Variants in RFX7 observed in about 807,000 individuals in gnomAD.
RFX7 encodes DNA-binding protein RFX7.
RFX7 carries 26 observed loss-of-function variants against 111.8 expected under a neutral mutation model. That is an observed-to-expected ratio of 0.23 (90% CI 0.17 to 0.32). RFX7 has a LOEUF of 0.32. Ranked by LOEUF, RFX7 falls within the 10% of genes least tolerant of loss-of-function variation. The probability of loss-of-function intolerance (pLI) is 1.00; values close to 1 mark genes in which losing one functional copy is unlikely to be tolerated. For synonymous variants in RFX7, 624 were observed against 624.4 expected (o/e 1.00, Z 0.01); for missense variants, 1,573 against 1,772.9 (o/e 0.89, Z 2.02).
At chr15:56,184,368 G>T (rs746069579) in intron 2 of RFX7, among the ~76,000 whole-genome samples, 6 of 151,712 alleles carry the variant, frequency 4.0e-5, no homozygotes, top group Admixed American at 6.6e-5. Context: ...TTCTCTTGTA[G>T]ATAATCATTT....
intron 2 of RFX7, among the ~76,000 whole-genome samples, chr15:56,210,347 T>C (rs189020904): frequency 1.3e-5 from 2 of 152,174 alleles, no homozygotes; most frequent in Admixed American, 6.5e-5. Flanking sequence ...AGAAACAGAA[T>C]AGACTATTAC....
chr15:56,243,040 G>GCACCCCC, intron 2 of RFX7, 85 bp downstream of exon 2: 2 of 570,718 alleles, frequency 3.5e-6, no homozygotes, highest in Non-Finnish European at 3.1e-6. Context: ...CTCCTCCTCC[G>GCACCCCC]CTCCCCCCGC....
intron 2 of RFX7, among the ~76,000 whole-genome samples, chr15:56,210,021 T>C (rs374307195): frequency 1.6e-4 from 24 of 152,114 alleles, no homozygotes; most frequent in African/African-American, 5.5e-4. Flanking sequence ...AATGCACCAA[T>C]TGAAAGACAC....
chr15:56,216,358 T>C (rs1471237768), intron 2 of RFX7, among the ~76,000 whole-genome samples: 3 of 152,246 alleles, frequency 2.0e-5, no homozygotes, highest in Non-Finnish European at 4.4e-5. Flanking sequence ...AATACTGAAG[T>C]AATTTAAAGT....
intron 2 of RFX7, chr15:56,193,000 T>C (rs1596000106): frequency 4.9e-6 from 1 of 204,908 alleles, no homozygotes; most frequent in East Asian, 1.1e-4. Context: ...ATATGCTGCT[T>C]AGGGTTTTCT....
chr15:56,093,932 T>C lies in RFX7; in HGVS notation c.3796A>G (p.Arg1266Gly). ...GGCAGGTTGTTCATTCCCAAACCTC[T>C]CACTGCATCATCATTGTCGGAATCA... is the stretch of plus-strand genomic sequence containing the variant. The part of the protein sequence containing the change: ...KLDSDNDDAV[R>G]GLGMNNLPSN... The change falls in exon 10 of 10, where the codon AGA (arginine) becomes GGA (glycine). Residue 1266 changes from arginine (R) to glycine (G), a missense_variant. Coordinates refer to ENST00000559447, the MANE Select transcript of RFX7 (RefSeq NM_022841.7). The C allele has an allele frequency of 6.2e-7, 1 of 1,614,016 alleles. No individual in the cohort carries two copies. Among genetic ancestry groups the C allele is most frequent in the Non-Finnish European group, 8.5e-7 (1 of 1,179,878 alleles).
chr15:56,142,597 C>T (rs1437708801), intron 5 of RFX7, among the ~76,000 whole-genome samples, 181 bp downstream of exon 5: 1 of 152,056 alleles, frequency 6.6e-6, no homozygotes, highest in African/African-American at 2.4e-5. Context: ...ATTAATCCTG[C>T]CCCCCTTTAT....
chr15:56,141,286 G>T (rs2042389288), intron 5 of RFX7, among the ~76,000 whole-genome samples: 1 of 151,744 alleles, frequency 6.6e-6, no homozygotes, highest in Admixed American at 6.6e-5. Context: ...GGGTGGGGGT[G>T]GGAGTGGGAG....
At chr15:56,134,301 C>T (rs2042259954) in intron 5 of RFX7, among the ~76,000 whole-genome samples, 2 of 152,128 alleles carry the variant, frequency 1.3e-5, no homozygotes, top group South Asian at 4.1e-4. Flanking sequence ...ATTTTATTAT[C>T]ATTGTCAGAG....
At chr15:56,099,242 C>T (rs1174077246) in intron 8 of RFX7, among the ~76,000 whole-genome samples, 1 of 152,114 alleles carries the variant, frequency 6.6e-6, no homozygotes, top group Non-Finnish European at 1.5e-5. Flanking sequence ...ACACCTTGCC[C>T]TTTCTTTTCT....
At chr15:56,162,256 G>A (rs1387557763) in intron 3 of RFX7, among the ~76,000 whole-genome samples, 1 of 151,996 alleles carries the variant, frequency 6.6e-6, no homozygotes, top group Non-Finnish European at 1.5e-5. Flanking sequence ...CCATTGAGAG[G>A]AAAAGTCAAT....
At chr15:56,162,858 G>A (rs570277951) in intron 3 of RFX7, among the ~76,000 whole-genome samples, 1 of 152,080 alleles carries the variant, frequency 6.6e-6, no homozygotes, top group South Asian at 2.1e-4. Context: ...AGTAAATTCT[G>A]CACAGACATG....
At chr15:56,210,344 G>A (rs1314045144) in intron 2 of RFX7, among the ~76,000 whole-genome samples, 8 of 151,986 alleles carry the variant, frequency 5.3e-5, no homozygotes, top group Non-Finnish European at 1.2e-4. Flanking sequence ...AGGAGAAACA[G>A]AATAGACTAT....
chr15:56,117,935 G>A (rs550187863), intron 5 of RFX7, among the ~76,000 whole-genome samples: 14 of 152,192 alleles, frequency 9.2e-5, no homozygotes, highest in African/African-American at 2.6e-4. Context: ...CCATGGGGGC[G>A]TTAGGTGTCT....
chr15:56,094,633 C>A lies in RFX7; in HGVS notation c.3095G>T (p.Ser1032Ile). The A allele has an allele frequency of 6.2e-7, 1 of 1,613,918 alleles. No individual in the cohort carries two copies. The highest frequency in any genetic ancestry group is 8.5e-7 in the Non-Finnish European group (1 of 1,179,878). ...NPFAFTPISS[S>I]MAYHDASIVS... ...AATGCTGGCGTCATGATATGCCATA[C>A]TGGAGCTTATTGGAGTGAATGCAAA... is the stretch of plus-strand genomic sequence containing the variant. Residue 1032 changes from serine to isoleucine, a missense_variant, in exon 10 of 10, where the codon AGT (serine) becomes ATT (isoleucine). Physicochemically the swap from Ser to Ile is moderately radical, Grantham distance 142. Transcript: ENST00000559447.
intron 5 of RFX7, among the ~76,000 whole-genome samples, chr15:56,113,167 A>G (rs2041961865): frequency 6.6e-6 from 1 of 152,222 alleles, no homozygotes; most frequent in African/African-American, 2.4e-5. Flanking sequence ...TACCCAAAGG[A>G]ATATAAATCA....
At chr15:56,140,325 G>C (rs990995880) in intron 5 of RFX7, among the ~76,000 whole-genome samples, 1 of 152,298 alleles carries the variant, frequency 6.6e-6, no homozygotes, top group Non-Finnish European at 1.5e-5. Context: ...GTGGTGCGCC[G>C]CTTTTTAAGC....
intron 5 of RFX7, among the ~76,000 whole-genome samples, chr15:56,132,423 C>T (rs1323382316): frequency 1.3e-5 from 2 of 151,806 alleles, no homozygotes; most frequent in African/African-American, 2.4e-5. Context: ...AGTAAGGTAA[C>T]AGTACATTAT....
intron 5 of RFX7, among the ~76,000 whole-genome samples, chr15:56,135,400 G>A (rs1425830686): frequency 6.6e-6 from 1 of 152,138 alleles, no homozygotes; most frequent in Non-Finnish European, 1.5e-5. Context: ...TTTTTTGGCT[G>A]CATAAATGTC....
Sources: allele counts gnomAD v4.1 joint callset (sites outside exome capture counted in the v4.1 genomes callset), GRCh38; gene constraint gnomAD v4.1.1; transcripts MANE v1.5; gene names NCBI Gene and HGNC (gene_info 2026-07-23, HGNC 2026-07-21).